DLGAP2: variants seen among roughly 807,000 people sequenced by gnomAD.
DLGAP2 encodes disks large-associated protein 2.
DLGAP2 carries 26 observed loss-of-function variants against 100.3 expected under a neutral mutation model. The ratio of observed to expected loss-of-function variants is 0.26; its 90% CI spans 0.19 to 0.36. The LOEUF (loss-of-function observed/expected upper bound fraction) is 0.36, where lower values mean the gene tolerates loss of function less well. Among genes scored for constraint, DLGAP2 ranks in the 10% least tolerant of loss-of-function variants. The pLI, the probability that DLGAP2 is intolerant of heterozygous loss-of-function variation, is 1.00. For missense variants in DLGAP2, 1,858 were observed against 1,453.2 expected, an observed-to-expected ratio of 1.28 and a Z score of -4.53; for synonymous variants, 886 against 630.1, an observed-to-expected ratio of 1.41 and a Z score of -6.08.
At chr8:1,533,818 A>C (rs1801066074) in intron 4 of DLGAP2, among the ~76,000 whole-genome samples, 1 of 152,170 alleles carries the variant, frequency 6.6e-6, no homozygotes. Context: ...ATAGCCTGGC[A>C]CAGCGGCCTG....
At chr8:1,160,762 C>A (rs530345907) in intron 2 of DLGAP2, among the ~76,000 whole-genome samples, 2 of 152,350 alleles carry the variant, frequency 1.3e-5, no homozygotes, top group South Asian at 4.1e-4. Context: ...TCCTTCCATG[C>A]AAAGCCTGGC....
intron 1 of DLGAP2, among the ~76,000 whole-genome samples, chr8:882,478 C>T (rs1318555262): frequency 2.5e-5 from 3 of 122,006 alleles, no homozygotes; most frequent in Non-Finnish European, 5.1e-5. Context: ...CGGGCACCCT[C>T]GCCTGATCCA....
At chr8:943,054 A>G (rs1584909598) in intron 2 of DLGAP2, among the ~76,000 whole-genome samples, 2 of 152,314 alleles carry the variant, frequency 1.3e-5, no homozygotes, top group Admixed American at 1.3e-4. Context: ...GACTGACCAC[A>G]ATCCGAATTC....
chr8:965,273 G>C (rs539201086), intron 2 of DLGAP2, among the ~76,000 whole-genome samples: 3 of 117,646 alleles, frequency 2.6e-5, no homozygotes, highest in Admixed American at 8.8e-5. Context: ...CAACCCCCGC[G>C]TGCACACGGC....
At chr8:1,577,558 A>G (rs1420183801) in intron 6 of DLGAP2, among the ~76,000 whole-genome samples, 1 of 107,588 alleles carries the variant, frequency 9.3e-6, no homozygotes, top group Non-Finnish European at 1.8e-5. Context: ...ACAGAATTAC[A>G]CTCTCTCTCA....
chr8:774,503 T>C (rs1427755520), intron 1 of DLGAP2, among the ~76,000 whole-genome samples: 1 of 151,686 alleles, frequency 6.6e-6, no homozygotes, highest in African/African-American at 2.4e-5. Flanking sequence ...AAGTCTTTAA[T>C]CCATCTTGAA....
At chr8:1,599,064 G>T (rs1329700600) in intron 6 of DLGAP2, among the ~76,000 whole-genome samples, 1 of 152,132 alleles carries the variant, frequency 6.6e-6, no homozygotes, top group African/African-American at 2.4e-5. Flanking sequence ...CTGGTATGTT[G>T]TGTCTTTGTT....
chr8:1,225,867 T>G (rs771789472), intron 2 of DLGAP2, among the ~76,000 whole-genome samples: 31 of 152,348 alleles, frequency 2.0e-4, no homozygotes, highest in Admixed American at 5.9e-4. Context: ...CAAAAAAGTT[T>G]AAGCAGGTTG....
intron 1 of DLGAP2, among the ~76,000 whole-genome samples, chr8:854,886 A>C (rs1465832708): frequency 6.6e-6 from 1 of 152,258 alleles, no homozygotes; most frequent in Non-Finnish European, 1.5e-5. Context: ...AGGTATCAGG[A>C]AACAGTAGTG....
intron 8 of DLGAP2, among the ~76,000 whole-genome samples, chr8:1,662,518 G>C (rs530675082): frequency 6.6e-6 from 1 of 152,138 alleles, no homozygotes; most frequent in East Asian, 1.9e-4. Context: ...GAGAAATAAG[G>C]TTCTGCTATG....
intron 2 of DLGAP2, among the ~76,000 whole-genome samples, chr8:1,059,105 T>C (rs1802973235): frequency 6.6e-6 from 1 of 152,238 alleles, no homozygotes. Context: ...CGCCCATCTC[T>C]CTGTGTCCAG....
chr8:853,882 A>G (rs779710310), intron 1 of DLGAP2, among the ~76,000 whole-genome samples: 4 of 152,026 alleles, frequency 2.6e-5, no homozygotes, highest in Admixed American at 6.5e-5. Flanking sequence ...CCCCAATGTG[A>G]TGGTGTTAGG....
intron 3 of DLGAP2, among the ~76,000 whole-genome samples, chr8:1,267,435 G>A (rs998229868): frequency 2.5e-4 from 38 of 149,212 alleles, no homozygotes; most frequent in African/African-American, 7.4e-4. Flanking sequence ...GTGTGGCGGC[G>A]GGCGCCTGTA....
At chr8:1,639,070 C>A (rs1438349104) in intron 8 of DLGAP2, among the ~76,000 whole-genome samples, 2 of 152,218 alleles carry the variant, frequency 1.3e-5, no homozygotes, top group Non-Finnish European at 2.9e-5. Flanking sequence ...CAGGGCCCAG[C>A]CCACAGGTGC....
At chr8:1,047,258 G>A (rs1707671287) in intron 2 of DLGAP2, among the ~76,000 whole-genome samples, 1 of 152,150 alleles carries the variant, frequency 6.6e-6, no homozygotes, top group South Asian at 2.1e-4. Context: ...TTGCGGTCTG[G>A]TTTCTTTCAC....
intron 4 of DLGAP2, among the ~76,000 whole-genome samples, chr8:1,548,132 G>T (rs933447211): frequency 6.6e-6 from 1 of 152,034 alleles, no homozygotes; most frequent in African/African-American, 2.4e-5. Context: ...GAACATCAGT[G>T]TTTCCTCTCC....
chr8:1,321,294 G>T (rs1464884911), intron 3 of DLGAP2, among the ~76,000 whole-genome samples: 2 of 151,818 alleles, frequency 1.3e-5, no homozygotes, highest in South Asian at 2.1e-4. Flanking sequence ...GTGTGTCTCT[G>T]TGTGCATCTG....
At chr8:1,662,957 TGTGA>T (rs746906017) in intron 8 of DLGAP2, among the ~76,000 whole-genome samples, 14 of 147,424 alleles carry the variant, frequency 9.5e-5, no homozygotes, top group South Asian at 8.7e-4. Context: ...TGTACACATG[TGTGA>T]GTGTGGGGTA....
At chr8:1,588,745 A>AG (rs1368185053) in intron 6 of DLGAP2, among the ~76,000 whole-genome samples, 1 of 147,956 alleles carries the variant, frequency 6.8e-6, no homozygotes, top group Non-Finnish European at 1.5e-5. Flanking sequence ...TACTAAAAAA[A>AG]AAAAAAAAAA....
Sources: gnomAD v4.1 joint callset for allele counts (sites outside exome capture counted in the v4.1 genomes callset) on GRCh38, gnomAD v4.1.1 for gene constraint, MANE v1.5 for transcripts, NCBI Gene and HGNC (gene_info 2026-07-23, HGNC 2026-07-21) for gene names.